Variants in JAK3 observed in about 807,000 individuals in gnomAD.
JAK3 encodes tyrosine-protein kinase JAK3.
Under a neutral mutation model 120.8 loss-of-function variants are expected in JAK3, and 88 were observed. The observed-to-expected ratio is 0.73, with a 90% CI of 0.61 to 0.87. The LOEUF (loss-of-function observed/expected upper bound fraction) is 0.87, where lower values mean the gene tolerates loss of function less well. Among genes scored for constraint, JAK3 ranks in the 40% least tolerant of loss-of-function variants. The pLI, the probability that JAK3 is intolerant of heterozygous loss-of-function variation, is 0.00. For missense variants in JAK3, 1,254 were observed against 1,501.4 expected (o/e 0.84, Z 2.72); for synonymous variants, 592 against 628.6 (o/e 0.94, Z 0.87).
chr19:17,842,277 C>A lies in JAK3; in HGVS notation c.861+39G>T. ...CTCCGGCCCCTCCCCGAGCCCCGCC[C>A]CCACGTTGGCCCCGCCCAGCGGGGG... On this transcript the variant is annotated intron_variant, in intron 6 of 23. Transcript: ENST00000458235. The surrounding 1 kb of genome is among the most constrained non-coding windows in gnomAD (Gnocchi z 6.4). The A allele has an allele frequency of 6.7e-7, 1 of 1,499,666 alleles. No homozygotes were observed. Among genetic ancestry groups the A allele is most frequent in the Non-Finnish European group, 8.8e-7 (1 of 1,130,206 alleles). The allele number at this position is 1,499,666 out of a possible 1,614,324, so 92.9% of individuals were successfully genotyped here.
chr19:17,835,227 A>G lies in JAK3; in HGVS notation c.1915-12T>C. 1 of 1,613,200 alleles carries G rather than the reference A, an allele frequency of 6.2e-7. No homozygotes were observed. Among genetic ancestry groups the G allele is most frequent in the Non-Finnish European group, 8.5e-7 (1 of 1,179,816 alleles). On this transcript the variant is annotated splice_polypyrimidine_tract_variant and intron_variant, in intron 14 of 23. Coordinates refer to ENST00000458235, the MANE Select transcript of JAK3 (RefSeq NM_000215.4). ...AGGCCTTTGTCCTCCTAAGGGGGCC[A>G]GACACAGGAAAATGCCCGGGAGGGT...
At position 17,842,925 on chromosome 19, in the gene JAK3, G is replaced by C; in HGVS notation, c.566+102C>G. On this transcript the variant is annotated intron_variant, in intron 5 of 23. Transcript: ENST00000458235. This position sits in a 1 kb window ranked among gnomAD's most constrained non-coding sequence, Gnocchi z 6.4. ...CCTGGGTCATAGGAACACCCTGAAA[G>C]CTTGCAGGAGAACTCCATGGTGGGA... 6.6e-7 allele frequency: 1 copy of C among 1,513,810 alleles called. No homozygotes were observed. Among genetic ancestry groups the C allele is most frequent in the Non-Finnish European group, 9.0e-7 (1 of 1,105,240 alleles). The allele number at this position is 1,513,810 out of a possible 1,614,324, so 93.8% of individuals were successfully genotyped here. A position where few individuals can be genotyped will look rare whatever the true frequency, so the allele number is the denominator to read the frequency against.
At chr19:17,828,566 G>A (rs1158574814) in intron 23 of JAK3, among the ~76,000 whole-genome samples, 1 of 149,378 alleles carries the variant, frequency 6.7e-6, no homozygotes, top group Non-Finnish European at 1.5e-5. Context: ...TGCTTGTATT[G>A]TTTGTAGAGA....
At chr19:17,835,037 TC>T (rs750940981) in intron 15 of JAK3, 34 bp from the exon 16 acceptor site, 2 of 1,614,096 alleles carry the variant, frequency 1.2e-6, no homozygotes, top group South Asian at 2.2e-5. Flanking sequence ...GGGATCCACT[TC>T]CTTGCCCTGC....
At chr19:17,827,825 C>T (rs2094206899) in intron 23 of JAK3, among the ~76,000 whole-genome samples, 1 of 147,478 alleles carries the variant, frequency 6.8e-6, no homozygotes, top group Non-Finnish European at 1.5e-5. Flanking sequence ...TTGCTTGAAC[C>T]TGGGAGGCGG....
chr19:17,846,569 A>C (rs2094252602), intron 1 of JAK3, among the ~76,000 whole-genome samples: 1 of 152,054 alleles, frequency 6.6e-6, no homozygotes, highest in Admixed American at 6.6e-5. Flanking sequence ...AACATCAGCC[A>C]ATCAAGTTTT....
rs10600376 is a variant in JAK3, at chr19:17,839,697, GCGAC to G, written c.1255-38_1255-35del. 6,429 of 1,539,562 alleles carry G rather than the reference GCGAC, an allele frequency of 4.2e-3. 253 individuals are homozygous for G. In the African/African-American group the frequency reaches 0.077, roughly 19 times the overall value. Reference sequence around the variant, plus strand: ...AAGAGTGGCCCCTGAGTGGGACTGAGCGACAGACACTCTCCTTCTCAGTCCTTCT... The same window carrying G: ...AAGAGTGGCCCCTGAGTGGGACTGAGAGACACTCTCCTTCTCAGTCCTTCT... On this transcript the variant is annotated intron_variant, in intron 9 of 23. Transcript: ENST00000458235.
chr19:17,837,815 G>C, intron 12 of JAK3, 117 bp downstream of exon 12: 1 of 1,443,668 alleles, frequency 6.9e-7, no homozygotes, highest in Non-Finnish European at 9.6e-7. Context: ...CAAAGTGCTG[G>C]GATGACAGGC....
Position 17,843,678 on chromosome 19 carries a change from G to A in JAK3, c.308+99C>T. The A allele has an allele frequency of 6.9e-7, 1 of 1,452,348 alleles. No homozygotes were observed. Among genetic ancestry groups the A allele is most frequent in the African/African-American group, 1.4e-5 (1 of 71,814 alleles). 90.0% of individuals were successfully genotyped at this position (1,452,348 alleles called of 1,614,324 possible). A position where few individuals can be genotyped will look rare whatever the true frequency, so the allele number is the denominator to read the frequency against. ...GTCTGTTTCCTCATCTGAGAAATGG[G>A]TAGTGACCATACCTCCCTGGGGCAG... On this transcript the variant is annotated intron_variant, in intron 3 of 23. Transcript: ENST00000458235. This position sits in a 1 kb window ranked among gnomAD's most constrained non-coding sequence, Gnocchi z 5.4.
Position 17,842,551 on chromosome 19 carries a change from G to C in JAK3, c.626C>G (p.Thr209Arg). Residue 209 changes from threonine to arginine, a missense_variant, in exon 6 of 24, where the codon ACG becomes AGG. This residue lies in a region of JAK3 where 486 missense variants were observed against 503.0 expected (regional missense o/e 0.97). Coordinates refer to ENST00000458235, the MANE Select transcript of JAK3 (RefSeq NM_000215.4). The surrounding 1 kb of genome is among the most constrained non-coding windows in gnomAD (Gnocchi z 6.4). ...CACCGTCCTCCGAATACGCCTCCGC[G>C]TCACGAAGCTCAGGCCCTGGATCAG... The part of the protein sequence containing the change: ...RDLIQGLSFV[T>R]RRRIRRTVRR... 6.3e-7 allele frequency: 1 copy of C among 1,587,588 alleles called. No individual in the cohort carries two copies. Among genetic ancestry groups the C allele is most frequent in the Non-Finnish European group, 8.6e-7 (1 of 1,167,612 alleles).
chr19:17,836,087 T>C, intron 13 of JAK3, 36 bp from the exon 14 acceptor site: 1 of 1,611,322 alleles, frequency 6.2e-7, no homozygotes, highest in Non-Finnish European at 8.5e-7. Context: ...GTTGGGAGAC[T>C]GAACTGCACT....
intron 13 of JAK3, chr19:17,836,710 C>G (rs950226339): frequency 4.7e-6 from 2 of 429,328 alleles, no homozygotes; most frequent in Admixed American, 7.2e-5. Flanking sequence ...GCCCAACCCC[C>G]AGGCTGGCCC....
chr19:17,832,540 G>A lies in JAK3; in HGVS notation c.2659C>T (p.Arg887Cys), dbSNP rs759015510. Residue 887 changes from arginine to cysteine, a missense_variant, in exon 19 of 24, where the codon CGT becomes TGT. By Grantham distance (180) the Arg-to-Cys change is radical (BLOSUM62 -3). Coordinates refer to ENST00000458235, the MANE Select transcript of JAK3 (RefSeq NM_000215.4). This position sits in a 1 kb window ranked among gnomAD's most constrained non-coding sequence, Gnocchi z 4.7. ...ALHSDFIVKY[R>C]GVSYGPGRQS... ...TCACCCGGGCCATAGCTGACACCAC[G>A]ATACTTGACAATGAAATCACTGTGC... The A allele has an allele frequency of 1.6e-5, 26 of 1,614,220 alleles. No individual in the cohort carries two copies. The highest frequency in any genetic ancestry group is 1.3e-4 in the Admixed American group (8 of 60,024).
chr19:17,842,441 C>A lies in JAK3; in HGVS notation c.736G>T (p.Asp246Tyr), dbSNP rs1181569264. The A allele has an allele frequency of 1.3e-6, 2 of 1,590,784 alleles. No individual in the cohort carries two copies. The highest frequency in any genetic ancestry group is 1.7e-6 in the Non-Finnish European group (2 of 1,170,590). ...AAGGTCTCGGCGGCCCCGGCTGGAT[C>A]CAGCCGCTCCAGGTCCATGATGTAC... ...AKYIMDLERL[D>Y]PAGAAETFHV... Residue 246 changes from aspartate to tyrosine, a missense_variant, in exon 6 of 24, where the codon GAT (aspartate) becomes TAT (tyrosine). Coordinates refer to ENST00000458235, the MANE Select transcript of JAK3 (RefSeq NM_000215.4). This position sits in a 1 kb window ranked among gnomAD's most constrained non-coding sequence, Gnocchi z 6.4.
chr19:17,837,356 C>G (rs2094226739), intron 12 of JAK3, 143 bp from the exon 13 acceptor site: 1 of 703,904 alleles, frequency 1.4e-6, no homozygotes, highest in Admixed American at 2.0e-5. Flanking sequence ...GTGCACACAG[C>G]ACTACCATGA....
intron 22 of JAK3, 40 bp from the exon 23 acceptor site, chr19:17,830,258 T>A (rs779854145): frequency 3.8e-6 from 4 of 1,043,424 alleles, no homozygotes; most frequent in South Asian, 2.7e-5. Flanking sequence ...GGGAGGAGCC[T>A]CCGTGGGTGG....
intron 22 of JAK3, 106 bp from the exon 23 acceptor site, chr19:17,830,324 G>A: frequency 1.0e-6 from 1 of 978,978 alleles, no homozygotes. Flanking sequence ...GAGCGGGGAG[G>A]GGCTGCCTGA....
Position 17,837,115 on chromosome 19 carries a change from TG to T in JAK3, c.1786+13del, listed in dbSNP as rs761961495. The T allele has an allele frequency of 3.7e-6, 2 of 534,066 alleles. No individual in the cohort carries two copies. Among genetic ancestry groups the T allele is most frequent in the South Asian group, 8.5e-5 (1 of 11,780 alleles). The allele number at this position is 534,066 out of a possible 1,614,324, so 33.1% of individuals were successfully genotyped here. On this transcript the variant is annotated intron_variant, in intron 13 of 23. Transcript: ENST00000458235. Reference sequence around the variant, plus strand: ...GTGAGGCAGGGGTGGGGTGGGTGGGTGGGGGGCTCTCACTGTCTCCAGCCAT... The same window carrying T: ...GTGAGGCAGGGGTGGGGTGGGTGGGTGGGGGCTCTCACTGTCTCCAGCCAT...
At chr19:17,833,416 C>CTAA (rs1206767889) in intron 17 of JAK3, among the ~76,000 whole-genome samples, 2 of 152,036 alleles carry the variant, frequency 1.3e-5, no homozygotes, top group African/African-American at 2.4e-5. Flanking sequence ...TGAATGAAGA[C>CTAA]TAAATATCAC....
Sources: allele counts gnomAD v4.1 joint callset (sites outside exome capture counted in the v4.1 genomes callset), GRCh38; gene constraint gnomAD v4.1.1; regional missense constraint gnomAD v4.1.1; non-coding constraint Gnocchi (gnomAD v3.1); transcripts MANE v1.5; gene names NCBI Gene and HGNC (gene_info 2026-07-23, HGNC 2026-07-21).